LRBA: variants seen among roughly 807,000 people sequenced by gnomAD.
The protein encoded by LRBA is lipopolysaccharide-responsive and beige-like anchor protein.
Under a neutral mutation model 330.0 loss-of-function variants are expected in LRBA, and 176 were observed. That is an observed-to-expected ratio of 0.53 (90% CI 0.47 to 0.60). The LOEUF (loss-of-function observed/expected upper bound fraction) is 0.60. LRBA is among the 20% of genes least tolerant of loss of function. The pLI is 0.00. For synonymous variants in LRBA, 1,230 were observed against 1,193.0 expected (o/e 1.03, Z -0.64); for missense variants, 3,259 against 3,444.8 (o/e 0.95, Z 1.35).
In LRBA at chr4:150,469,863, A is replaced by T. The variant is rs576882588; in HGVS notation, c.6667+1761T>A. 1.1e-3 allele frequency among the ~76,000 whole-genome samples: 170 copies of T among 152,020 alleles called. 1 individual carries two copies. Among genetic ancestry groups the T allele is most frequent in the African/African-American group, 4.0e-3 (167 of 41,478 alleles). Reference sequence around the variant, plus strand: ...TCATTTCTCCTCTCTGCCCCAACCCATCTTCTCTTTAATAACACATTTAAA... The same window carrying T: ...TCATTTCTCCTCTCTGCCCCAACCCTTCTTCTCTTTAATAACACATTTAAA... On this transcript the variant is annotated intron_variant, in intron 43 of 56. Transcript: ENST00000651943.
At chr4:150,350,766 C>A (rs1165129511) in intron 47 of LRBA, among the ~76,000 whole-genome samples, 4 of 152,024 alleles carry the variant, frequency 2.6e-5, no homozygotes, top group African/African-American at 7.3e-5. Flanking sequence ...TAACTCAGGG[C>A]CTGACAGGTA....
At chr4:150,780,987 T>C (rs1560808254) in intron 34 of LRBA, among the ~76,000 whole-genome samples, 1 of 152,004 alleles carries the variant, frequency 6.6e-6, no homozygotes, top group Non-Finnish European at 1.5e-5. Context: ...TCATGCCATT[T>C]TCCTGCCTCA....
rs1579177423 is a variant in LRBA, at chr4:150,911,283, C to T, written c.1162-2426G>A. Among the ~76,000 whole-genome samples, 4 of 152,226 alleles carry T rather than the reference C, an allele frequency of 2.6e-5. No homozygotes were observed. In the South Asian group the frequency reaches 8.3e-4, roughly 32 times the overall value. The stretch of plus-strand genomic sequence containing the variant: ...TTCCTGATTTTAGAGGAAAAACTGT[C>T]AGTTTTTCACTGTTCAGTATTGTGT... On this transcript the variant is annotated intron_variant, in intron 9 of 56. Transcript: ENST00000651943.
chr4:150,267,554 C>A (rs952625693), intron 56 of LRBA, among the ~76,000 whole-genome samples: 1 of 152,070 alleles, frequency 6.6e-6, no homozygotes, highest in Non-Finnish European at 1.5e-5. Context: ...TAGCTGTAAA[C>A]ACATAGATTT....
intron 37 of LRBA, among the ~76,000 whole-genome samples, chr4:150,644,080 T>G (rs939637850): frequency 6.6e-6 from 1 of 151,922 alleles, no homozygotes; most frequent in South Asian, 2.1e-4. Flanking sequence ...CCCATGGTAT[T>G]AAAACATAAA....
chr4:150,945,120 CT>C (rs1356806966), intron 2 of LRBA, among the ~76,000 whole-genome samples: 1 of 152,154 alleles, frequency 6.6e-6, no homozygotes, highest in African/African-American at 2.4e-5. Context: ...CTGGAAAGTT[CT>C]TTTTTTCCAT....
intron 54 of LRBA, among the ~76,000 whole-genome samples, chr4:150,282,963 A>G (rs1008415325): frequency 7.9e-5 from 12 of 152,154 alleles, no homozygotes; most frequent in African/African-American, 2.9e-4. Flanking sequence ...GAAACAGGAT[A>G]AGCTTCAAAT....
chr4:150,340,245 C>G (rs1010297074), intron 48 of LRBA, among the ~76,000 whole-genome samples: 2 of 152,056 alleles, frequency 1.3e-5, no homozygotes, highest in Non-Finnish European at 2.9e-5. Context: ...TACATATGAA[C>G]TATATAACTG....
intron 35 of LRBA, among the ~76,000 whole-genome samples, chr4:150,754,383 G>T (rs1310038299): frequency 6.6e-6 from 1 of 151,518 alleles, no homozygotes; most frequent in Non-Finnish European, 1.5e-5. Context: ...GAGCATATAA[G>T]AGCATATACT....
chr4:150,970,819 T>A (rs1739505323), intron 2 of LRBA: 1 of 151,592 alleles, frequency 6.6e-6, no homozygotes, highest in Non-Finnish European at 1.5e-5. Flanking sequence ...CTTGTTTCCA[T>A]CAGACTGTAA....
intron 33 of LRBA, among the ~76,000 whole-genome samples, chr4:150,800,859 A>AC (rs1340176022): frequency 6.6e-6 from 1 of 152,186 alleles, no homozygotes; most frequent in Non-Finnish European, 1.5e-5. Flanking sequence ...CAAACTCAGG[A>AC]TACCAAGCCA....
intron 45 of LRBA, 108 bp from the exon 46 acceptor site, chr4:150,435,816 T>C: frequency 1.6e-6 from 1 of 640,148 alleles, no homozygotes; most frequent in Non-Finnish European, 2.6e-6. Context: ...CATTCACTAG[T>C]AATATAAACT....
intron 2 of LRBA, among the ~76,000 whole-genome samples, chr4:150,955,821 G>A (rs554189611): frequency 1.3e-5 from 2 of 148,546 alleles, no homozygotes; most frequent in South Asian, 2.1e-4. Flanking sequence ...GAACCCGGGA[G>A]GCAGAGGTTG....
intron 47 of LRBA, among the ~76,000 whole-genome samples, chr4:150,398,034 T>C (rs1481119335): frequency 1.3e-5 from 2 of 152,256 alleles, no homozygotes; most frequent in East Asian, 3.9e-4. Flanking sequence ...AATAATTACA[T>C]ATATATTTTA....
intron 54 of LRBA, among the ~76,000 whole-genome samples, chr4:150,283,304 C>T (rs1016551991): frequency 3.9e-5 from 6 of 152,172 alleles, no homozygotes; most frequent in African/African-American, 7.2e-5. Context: ...CCACTCCCAA[C>T]GCCTGGGTGG....
chr4:150,981,345 G>T (rs1383311434), intron 2 of LRBA, among the ~76,000 whole-genome samples: 1 of 150,964 alleles, frequency 6.6e-6, no homozygotes, highest in Non-Finnish European at 1.5e-5. Flanking sequence ...CCTGGGAAGT[G>T]GAGGTTGTGG....
intron 17 of LRBA, among the ~76,000 whole-genome samples, chr4:150,887,783 AAAAG>A (rs1729102680): frequency 6.7e-6 from 1 of 148,956 alleles, no homozygotes; most frequent in Non-Finnish European, 1.5e-5. Context: ...AAAAAAAAAA[AAAAG>A]AAAGAAAAAA....
intron 22 of LRBA, among the ~76,000 whole-genome samples, chr4:150,860,225 A>C (rs912494216): frequency 1.3e-5 from 2 of 152,358 alleles, no homozygotes; most frequent in South Asian, 2.1e-4. Context: ...TGTATGAAAC[A>C]CTAAAATAAA....
chr4:150,856,416 T>TTCTC (rs1171749049), intron 22 of LRBA, among the ~76,000 whole-genome samples: 2 of 152,166 alleles, frequency 1.3e-5, no homozygotes, highest in Non-Finnish European at 2.9e-5. Flanking sequence ...CTTTGTATTA[T>TTCTC]TCTCTCCTTT....
Sources: gnomAD v4.1 joint callset for allele counts (sites outside exome capture counted in the v4.1 genomes callset) on GRCh38, gnomAD v4.1.1 for gene constraint, MANE v1.5 for transcripts, NCBI Gene and HGNC (gene_info 2026-07-23, HGNC 2026-07-21) for gene names.